RHBDD1: variants seen among roughly 807,000 people sequenced by gnomAD.
RHBDD1 encodes rhomboid-related protein 4.
Under a neutral mutation model 36.3 loss-of-function variants are expected in RHBDD1, and 38 were observed. That is an observed-to-expected ratio of 1.05 (90% CI 0.81 to 1.37). The LOEUF is 1.37. RHBDD1 is among the 40% of genes most tolerant of loss of function. The pLI, the probability that RHBDD1 is intolerant of heterozygous loss-of-function variation, is 0.00. For missense variants in RHBDD1, 393 were observed against 377.6 expected (o/e 1.04, Z -0.34); for synonymous variants, 151 against 136.5 (o/e 1.11, Z -0.74).
At chr2:226,973,429 G>C (rs1953956123) in intron 8 of RHBDD1, among the ~76,000 whole-genome samples, 1 of 152,202 alleles carries the variant, frequency 6.6e-6, no homozygotes, top group African/African-American at 2.4e-5. Flanking sequence ...GTGTTTGCCT[G>C]TTCCTTTTTC....
chr2:226,917,435 C>T (rs1189016836), intron 8 of RHBDD1, among the ~76,000 whole-genome samples: 4 of 152,016 alleles, frequency 2.6e-5, no homozygotes, highest in African/African-American at 9.7e-5. Flanking sequence ...AAGATTTTTA[C>T]ACATCAGATG....
At chr2:226,805,661 A>G in the RHBDD1 span, among the ~76,000 whole-genome samples, 1 of 152,218 alleles carries the variant, frequency 6.6e-6, no homozygotes, top group Non-Finnish European at 1.5e-5. Flanking sequence ...TAAACTTTCT[A>G]AATTTAAATT....
At chr2:226,850,594 A>C (rs901023806) in intron 3 of RHBDD1, among the ~76,000 whole-genome samples, 1 of 152,132 alleles carries the variant, frequency 6.6e-6, no homozygotes, top group Admixed American at 6.6e-5. Flanking sequence ...CCTGGTCTCA[A>C]ATGTGGACAT....
At chr2:226,874,887 T>A (rs1945096265) in intron 5 of RHBDD1, among the ~76,000 whole-genome samples, 1 of 152,178 alleles carries the variant, frequency 6.6e-6, no homozygotes. Context: ...CGTGTGCGCC[T>A]CTCTTCCCTC....
the RHBDD1 span, among the ~76,000 whole-genome samples, chr2:226,801,038 A>C: frequency 5.4e-4 from 83 of 152,310 alleles, no homozygotes; most frequent in African/African-American, 1.9e-3. Context: ...AAGGACCCAC[A>C]GAGATGTCAC....
At chr2:226,931,336 G>A (rs1040417043) in intron 8 of RHBDD1, among the ~76,000 whole-genome samples, 2 of 152,048 alleles carry the variant, frequency 1.3e-5, no homozygotes, top group African/African-American at 4.8e-5. Context: ...GTCTTTTGCA[G>A]CAACTTAGAT....
intron 3 of RHBDD1, among the ~76,000 whole-genome samples, chr2:226,847,283 C>T (rs1403771811): frequency 1.3e-5 from 2 of 152,194 alleles, no homozygotes; most frequent in East Asian, 1.9e-4. Context: ...TAAACATTAT[C>T]GTATTTTATG....
intron 8 of RHBDD1, among the ~76,000 whole-genome samples, chr2:226,976,303 A>C (rs1035197227): frequency 6.8e-6 from 1 of 147,438 alleles, no homozygotes; most frequent in Admixed American, 6.9e-5. Context: ...CCCCCTGGAG[A>C]CACCACTAGA....
Position 226,844,444 on chromosome 2 carries a change from A to G in RHBDD1, c.-91+4817A>G, listed in dbSNP as rs147045379. Among the ~76,000 whole-genome samples the G allele has an allele frequency of 4.5e-3, 688 of 152,314 alleles. 1 individual carries two copies. Among genetic ancestry groups the G allele is most frequent in the Middle Eastern group, 0.01 (3 of 294 alleles). On this transcript the variant is annotated intron_variant, in intron 3 of 8. Coordinates refer to ENST00000392062, the MANE Select transcript of RHBDD1 (RefSeq NM_001167608.3). ...CCCATGTGGTTTGTGGTAATATAAC[A>G]TATATTTGAAGCATGGCATGCTTTT... is the stretch of plus-strand genomic sequence containing the variant.
the RHBDD1 span, among the ~76,000 whole-genome samples, chr2:226,810,133 T>C: frequency 6.6e-6 from 1 of 152,186 alleles, no homozygotes; most frequent in African/African-American, 2.4e-5. Flanking sequence ...CTCCAAAAAC[T>C]TAACTTCTAA....
chr2:226,927,676 C>T (rs1481680742), intron 8 of RHBDD1, among the ~76,000 whole-genome samples: 2 of 152,044 alleles, frequency 1.3e-5, no homozygotes, highest in South Asian at 2.1e-4. Flanking sequence ...TTCAAATAGG[C>T]GTGAGGTTGC....
intron 3 of RHBDD1, among the ~76,000 whole-genome samples, chr2:226,847,122 G>A (rs987157793): frequency 1.3e-5 from 2 of 152,176 alleles, no homozygotes; most frequent in African/African-American, 4.8e-5. Flanking sequence ...TGCCTCAGCA[G>A]GGTGCAGTTT....
At chr2:226,868,754 CACTGGCAGCTGGCCCATAAATGACAGTG>C (rs1458836308) in intron 5 of RHBDD1, among the ~76,000 whole-genome samples, 17 of 152,220 alleles carry the variant, frequency 1.1e-4, no homozygotes, top group Non-Finnish European at 1.6e-4. Context: ...CACGGGCAGC[CACTGGCAGCTGGCCCATAAATGACAGTG>C]ACGTGGCCCC....
rs534259206 is a variant in RHBDD1 at position 226,904,429 on chromosome 2, G to T, written c.567-2364G>T. On this transcript the variant is annotated intron_variant, in intron 5 of 8. Coordinates refer to ENST00000392062, the MANE Select transcript of RHBDD1 (RefSeq NM_001167608.3). ...ATCCTGCAAGCGGGGGGGGAGGGGG[G>T]TCAGGGAACTCCTGTTTCAGTAGAT... is the stretch of plus-strand genomic sequence containing the variant. Among the ~76,000 whole-genome samples the T allele has an allele frequency of 4.1e-4, 61 of 148,660 alleles. 6 individuals carry two copies. Among genetic ancestry groups the T allele is most frequent in the African/African-American group, 1.4e-3 (56 of 39,836 alleles).
At chr2:226,971,892 G>A (rs1419950001) in intron 8 of RHBDD1, among the ~76,000 whole-genome samples, 2 of 148,576 alleles carry the variant, frequency 1.3e-5, no homozygotes, top group Non-Finnish European at 3.0e-5. Context: ...GAAAACTAGA[G>A]AGAAAGCAAA....
intron 8 of RHBDD1, among the ~76,000 whole-genome samples, chr2:226,930,693 A>G (rs1000573893): frequency 1.3e-5 from 2 of 152,088 alleles, no homozygotes; most frequent in Non-Finnish European, 2.9e-5. Flanking sequence ...TTATCAGAGT[A>G]AAATACAACC....
chr2:226,851,305 A>G (rs1320988150), intron 3 of RHBDD1, among the ~76,000 whole-genome samples: 2 of 151,856 alleles, frequency 1.3e-5, no homozygotes, highest in Non-Finnish European at 2.9e-5. Flanking sequence ...TACCCCCCCA[A>G]TGCAGAGACA....
At chr2:226,983,409 T>C (rs1401613066) in intron 8 of RHBDD1, among the ~76,000 whole-genome samples, 2 of 152,160 alleles carry the variant, frequency 1.3e-5, no homozygotes, top group Admixed American at 1.3e-4. Context: ...TTCACTTTAT[T>C]TGCTGCTAGT....
chr2:226,821,395 C>A, the RHBDD1 span, among the ~76,000 whole-genome samples: 1 of 151,838 alleles, frequency 6.6e-6, no homozygotes, highest in Non-Finnish European at 1.5e-5. Flanking sequence ...CTAATTTGTT[C>A]TTTGCTTGAG....
Sources: gnomAD v4.1 joint callset for allele counts (sites outside exome capture counted in the v4.1 genomes callset) on GRCh38, gnomAD v4.1.1 for gene constraint, MANE v1.5 for transcripts, NCBI Gene and HGNC (gene_info 2026-07-23, HGNC 2026-07-21) for gene names.